FGD6: variants seen among roughly 807,000 people sequenced by gnomAD.
The protein encoded by FGD6 is FYVE, RhoGEF and PH domain containing 6.
In FGD6, 90 loss-of-function variants were observed where a neutral mutation model predicts 149.4. That is an observed-to-expected ratio of 0.60 (90% CI 0.51 to 0.72). The LOEUF (loss-of-function observed/expected upper bound fraction) is 0.72. FGD6 is among the 30% of genes least tolerant of loss of function. The pLI is 0.00. For missense variants in FGD6, 1,437 were observed against 1,684.8 expected, an observed-to-expected ratio of 0.85 and a Z score of 2.57; for synonymous variants, 527 against 584.0, an observed-to-expected ratio of 0.90 and a Z score of 1.41.
At chr12:95,115,387 G>C (rs1878975227) in intron 8 of FGD6, among the ~76,000 whole-genome samples, 1 of 141,256 alleles carries the variant, frequency 7.1e-6, no homozygotes, top group African/African-American at 2.6e-5. Flanking sequence ...ACTGGTGTGT[G>C]CCTCCATGTC....
At chr12:95,189,899 A>ACTTTCAC (rs1881541203) in intron 2 of FGD6, among the ~76,000 whole-genome samples, 1 of 152,162 alleles carries the variant, frequency 6.6e-6, no homozygotes, top group African/African-American at 2.4e-5. Flanking sequence ...GTAATAGAAA[A>ACTTTCAC]CTTTCACCTT....
intron 20 of FGD6, 36 bp downstream of exon 20, chr12:95,084,462 T>C (rs1306572358): frequency 3.4e-6 from 5 of 1,481,902 alleles, no homozygotes; most frequent in Non-Finnish European, 4.5e-6. Context: ...AACTGAAATC[T>C]CATGAATAAA....
Position 95,152,957 on chromosome 12 carries a change from TATG to T in FGD6, c.2620_2622del (p.His874del). 1 of 1,614,060 alleles carries T rather than the reference TATG, an allele frequency of 6.2e-7. No individual in the cohort carries two copies. The stretch of plus-strand genomic sequence containing the variant: ...TCTGAGCTCATGATCTCCTTGGCAA[TATG>T]ATGAACTTTACTTTTCATTCCATTA... On this transcript the variant is annotated inframe_deletion, in exon 4 of 21. Transcript: ENST00000343958.
At chr12:95,081,718 C>T (rs1408669344) in intron 20 of FGD6, among the ~76,000 whole-genome samples, 162 bp from the exon 21 acceptor site, 3 of 141,534 alleles carry the variant, frequency 2.1e-5, no homozygotes, top group African/African-American at 7.9e-5. Flanking sequence ...GAGTTTTGCT[C>T]TCGTTGCTCA....
intron 8 of FGD6, among the ~76,000 whole-genome samples, chr12:95,122,464 G>A (rs1879218791): frequency 6.6e-6 from 1 of 151,690 alleles, no homozygotes; most frequent in Non-Finnish European, 1.5e-5. Flanking sequence ...TAGCCAACAT[G>A]GTGAAACCCC....
chr12:95,180,894 C>T (rs1881263660), intron 2 of FGD6, among the ~76,000 whole-genome samples: 1 of 151,158 alleles, frequency 6.6e-6, no homozygotes, highest in Non-Finnish European at 1.5e-5. Context: ...TATTTTCTTC[C>T]CAGGATGATG....
intron 9 of FGD6, among the ~76,000 whole-genome samples, chr12:95,110,638 G>A (rs958524400): frequency 1.3e-5 from 2 of 152,154 alleles, no homozygotes; most frequent in Non-Finnish European, 2.9e-5. Flanking sequence ...TTACAGGTGT[G>A]AGCCACGGTA....
chr12:95,080,433 G>A lies in FGD6; in HGVS notation c.*1087C>T, dbSNP rs1205102824. 2 of 151,470 alleles carry A rather than the reference G, an allele frequency of 1.3e-5. No individual in the cohort carries two copies. The highest frequency in any genetic ancestry group is 2.9e-5 in the Non-Finnish European group (2 of 67,940). The allele number at this position is 151,470 out of a possible 1,614,324, so 9.4% of individuals were successfully genotyped here. On this transcript the variant is annotated 3_prime_UTR_variant, in exon 21 of 21. Coordinates refer to ENST00000343958, the MANE Select transcript of FGD6 (RefSeq NM_018351.4). ...GAATCTAAATCTTTCCTAAGGAGGT[G>A]TGCTGATAGCTGCTTATAGAGAAAG...
chr12:95,164,924 AAAGT>A (rs1880762583), intron 3 of FGD6, among the ~76,000 whole-genome samples: 1 of 152,204 alleles, frequency 6.6e-6, no homozygotes, highest in African/African-American at 2.4e-5. Flanking sequence ...TTTCTTTATG[AAAGT>A]ATGTATCATA....
At chr12:95,089,848 G>T in intron 17 of FGD6, 152 bp from the exon 18 acceptor site, 1 of 924,932 alleles carries the variant, frequency 1.1e-6, no homozygotes, top group Non-Finnish European at 1.6e-6. Flanking sequence ...TGGATGGCTG[G>T]GAGTTGAGTG....
intron 2 of FGD6, among the ~76,000 whole-genome samples, chr12:95,181,998 G>A (rs1332537483): frequency 6.7e-6 from 1 of 148,904 alleles, no homozygotes; most frequent in Non-Finnish European, 1.5e-5. Flanking sequence ...TTGCACCAAA[G>A]ATGATGTTTC....
rs1311424266 is a variant in FGD6, at chr12:95,092,812, G to A, written c.3634C>T (p.Leu1212Phe). The A allele has an allele frequency of 6.2e-7, 1 of 1,613,662 alleles. No homozygotes were observed. Among genetic ancestry groups the A allele is most frequent in the Non-Finnish European group, 8.5e-7 (1 of 1,179,894 alleles). The stretch of plus-strand genomic sequence containing the variant: ...ATCCAGATGGGAGCCTTCGATCCAA[G>A]AGGACTAACTTCTTCTTTATTTTCT... The part of the protein sequence containing the change: ...DSENKEEVSP[L>F]GSKAPIWIPD... The change falls in exon 16 of 21, where the codon CTT becomes TTT. Residue 1212 changes from leucine (L) to phenylalanine (F), a missense_variant. Leu to Phe is a conservative substitution (Grantham distance 22, BLOSUM62 0). Around this residue, in one of 2 missense-constraint regions of FGD6, gnomAD observed 382 missense variants for 538.7 expected, o/e 0.71. Coordinates refer to ENST00000343958, the MANE Select transcript of FGD6 (RefSeq NM_018351.4).
chr12:95,170,869 AGT>A (rs1312988675), intron 3 of FGD6, among the ~76,000 whole-genome samples: 1 of 152,228 alleles, frequency 6.6e-6, no homozygotes, highest in Non-Finnish European at 1.5e-5. Flanking sequence ...TACATTGCTG[AGT>A]GCTGTGGGTC....
intron 14 of FGD6, among the ~76,000 whole-genome samples, chr12:95,097,727 C>G (rs1878285388): frequency 6.6e-6 from 1 of 150,992 alleles, no homozygotes; most frequent in African/African-American, 2.4e-5. Context: ...AAGGCCACAT[C>G]ACTTTGATTT....
chr12:95,155,620 C>T (rs962915873), intron 3 of FGD6, among the ~76,000 whole-genome samples: 3 of 152,164 alleles, frequency 2.0e-5, no homozygotes, highest in Admixed American at 1.3e-4. Flanking sequence ...TTTATTTTTG[C>T]ATTCATTCTT....
chr12:95,176,168 C>T (rs1418255670), intron 2 of FGD6, among the ~76,000 whole-genome samples: 1 of 152,142 alleles, frequency 6.6e-6, no homozygotes, highest in Non-Finnish European at 1.5e-5. Context: ...AACTCCCAGG[C>T]TCAAGCAATC....
intron 2 of FGD6, among the ~76,000 whole-genome samples, chr12:95,177,660 T>C (rs1486163206): frequency 6.6e-6 from 1 of 152,178 alleles, no homozygotes; most frequent in African/African-American, 2.4e-5. Context: ...CTTTGGCACA[T>C]TTCATATTTA....
In FGD6 at chr12:95,148,645, ATATAT is replaced by A. The variant is rs1203579468; in HGVS notation, c.2685+4161_2685+4165del. 1.3e-3 allele frequency among the ~76,000 whole-genome samples: 149 copies of A among 113,054 alleles called. 1 individual carries two copies. The highest frequency in any genetic ancestry group is 5.1e-3 in the African/African-American group (141 of 27,738). 74.2% of individuals were successfully genotyped at this position (113,054 alleles called of 152,430 possible). A position where few individuals can be genotyped will look rare whatever the true frequency, so the allele number is the denominator to read the frequency against. On this transcript the variant is annotated intron_variant, in intron 5 of 20. Transcript: ENST00000343958. ...TAATACATAGCATATGTTATATTAT[ATATAT>A]TATATATTATATAATACATAGCATA...
intron 3 of FGD6, among the ~76,000 whole-genome samples, chr12:95,159,455 CATT>C (rs372829427): frequency 3.9e-5 from 6 of 152,232 alleles, no homozygotes; most frequent in East Asian, 1.9e-4. Context: ...CAAAAGACAT[CATT>C]AAGAAGATAA....
Sources: gnomAD v4.1 joint callset for allele counts (sites outside exome capture counted in the v4.1 genomes callset) on GRCh38, gnomAD v4.1.1 for gene constraint, gnomAD v4.1.1 regional missense constraint, MANE v1.5 for transcripts, NCBI Gene and HGNC (gene_info 2026-07-23, HGNC 2026-07-21) for gene names.